The following ZNF155 variants were observed in gnomAD, a reference collection of about 807,000 sequenced individuals.
The protein encoded by ZNF155 is zinc finger protein 155, also known as KRAB A domain.
Under a neutral mutation model 11.9 loss-of-function variants are expected in ZNF155, and 15 were observed. That is an observed-to-expected ratio of 1.26 (90% CI 0.84 to 1.94). The LOEUF is 1.94. ZNF155 is among the 30% of genes most tolerant of loss of function. The pLI, the probability that ZNF155 is intolerant of heterozygous loss-of-function variation, is 0.00. For synonymous variants in ZNF155, 212 were observed against 219.9 expected, an observed-to-expected ratio of 0.96 and a Z score of 0.32; for missense variants, 602 against 639.1, an observed-to-expected ratio of 0.94 and a Z score of 0.63.
intron 2 of ZNF155, chr19:43,990,179 G>T: frequency 9.9e-7 from 1 of 1,008,836 alleles, no homozygotes; most frequent in South Asian, 1.6e-5. Context: ...CTTATTTTTT[G>T]ATGTTTTAAT....
chr19:43,993,414 A>G (rs1381923031), intron 4 of ZNF155, among the ~76,000 whole-genome samples: 1 of 152,114 alleles, frequency 6.6e-6, no homozygotes, highest in Non-Finnish European at 1.5e-5. Flanking sequence ...AAGATTTCTT[A>G]TTAATTTAAT....
intron 4 of ZNF155, among the ~76,000 whole-genome samples, chr19:43,993,943 AC>A (rs1056676705): frequency 6.6e-6 from 1 of 152,122 alleles, no homozygotes; most frequent in Non-Finnish European, 1.5e-5. Context: ...ACCCGGACAA[AC>A]ATTTTTCATG....
chr19:43,994,726 G>C (rs1975774229), intron 4 of ZNF155, among the ~76,000 whole-genome samples: 2 of 152,196 alleles, frequency 1.3e-5, no homozygotes, highest in Non-Finnish European at 2.9e-5. Context: ...GTATGACTTA[G>C]ACTCAAAGTA....
rs1424313693 is a variant in ZNF155 at position 43,996,331 on chromosome 19, T to A, written c.474T>A (p.Ser158Arg). Residue 158 changes from serine to arginine, a missense_variant, in exon 5 of 5, where the codon AGT (serine) becomes AGA (arginine). Transcript: ENST00000270014. ...GTGGGAAGTGTAAACAGTCCATCAG[T>A]GATGTTCCCATCTTTGATCTTCCTC... ...SQGGKCKQSI[S>R]DVPIFDLPQQ... is the part of the protein sequence containing the mutation. The A allele has an allele frequency of 6.2e-7, 1 of 1,614,102 alleles. No homozygotes were observed. Among genetic ancestry groups the A allele is most frequent in the African/African-American group, 1.3e-5 (1 of 74,940 alleles).
chr19:43,986,447 G>GTTTTTTTTT, intron 1 of ZNF155, among the ~76,000 whole-genome samples: 1 of 142,182 alleles, frequency 7.0e-6, no homozygotes. Flanking sequence ...ATTCCCATTT[G>GTTTTTTTTT]TGTTTTTTTT....
In ZNF155 at chr19:43,996,553, C is replaced by A; in HGVS notation, c.696C>A (p.Phe232Leu). 1 of 1,614,032 alleles carries A rather than the reference C, an allele frequency of 6.2e-7. No individual in the cohort carries two copies. Among genetic ancestry groups the A allele is most frequent in the Non-Finnish European group, 8.5e-7 (1 of 1,179,992 alleles). Residue 232 changes from phenylalanine (F) to leucine (L), a missense_variant, in exon 5 of 5, where the codon TTC (phenylalanine) becomes TTA (leucine). Phe to Leu is a conservative substitution (Grantham distance 22). Transcript: ENST00000270014. ...HQRVHTGEKP[F>L]KCEQCGKGFS... is the part of the protein sequence containing the mutation. The stretch of plus-strand genomic sequence containing the variant: ...GAGTCCACACTGGAGAGAAACCATT[C>A]AAATGTGAGCAATGTGGGAAAGGTT...
chr19:43,987,648 C>G (rs1975507892), intron 1 of ZNF155, among the ~76,000 whole-genome samples: 1 of 152,098 alleles, frequency 6.6e-6, no homozygotes, highest in Non-Finnish European at 1.5e-5. Flanking sequence ...TATCAAATTA[C>G]CTTTTTAAAA....
chr19:43,986,457 T>TTG (rs1555760604), intron 1 of ZNF155, among the ~76,000 whole-genome samples: 3 of 151,026 alleles, frequency 2.0e-5, no homozygotes, highest in African/African-American at 7.3e-5. Context: ...GTGTTTTTTT[T>TTG]TTTTTTTTTT....
chr19:43,988,859 G>A (rs1975556193), intron 2 of ZNF155: 1 of 292,548 alleles, frequency 3.4e-6, no homozygotes, highest in Non-Finnish European at 6.4e-6. Context: ...TGTTCGTCAT[G>A]TACATTTGTA....
At chr19:43,993,475 G>A (rs1362221345) in intron 4 of ZNF155, among the ~76,000 whole-genome samples, 1 of 152,102 alleles carries the variant, frequency 6.6e-6, no homozygotes, top group Admixed American at 6.5e-5. Flanking sequence ...GTGCAATGGT[G>A]CAATCTCGGC....
chr19:43,994,493 A>G (rs1975765572), intron 4 of ZNF155, among the ~76,000 whole-genome samples: 1 of 152,220 alleles, frequency 6.6e-6, no homozygotes, highest in Non-Finnish European at 1.5e-5. Flanking sequence ...ACCAAGTGCA[A>G]ATTCAGGAGG....
rs771997579 is a variant in ZNF155 at position 43,996,335 on chromosome 19, GT to G, written c.480del (p.Ile162SerfsTer196). ...GGKCKQSISD[V>X]PIFDLPQQLY... is the part of the protein sequence containing the mutation. ...GAAGTGTAAACAGTCCATCAGTGAT[GT>G]TCCCATCTTTGATCTTCCTCAGCAG... On this transcript the variant is annotated frameshift_variant, in exon 5 of 5. Transcript: ENST00000270014. LOFTEE classifies it low-confidence loss of function (END_TRUNC). 6.2e-6 allele frequency: 10 copies of G among 1,614,118 alleles called. No homozygotes were observed. The highest frequency in any genetic ancestry group is 1.7e-6 in the Non-Finnish European group (2 of 1,180,042).
chr19:43,990,520 G>A (rs1187368009), intron 2 of ZNF155, among the ~76,000 whole-genome samples: 1 of 152,190 alleles, frequency 6.6e-6, no homozygotes, highest in Non-Finnish European at 1.5e-5. Flanking sequence ...AGTAAATCCT[G>A]TAGGCAAACA....
In ZNF155 at chr19:43,997,291, C is replaced by T. The variant is rs1265433929; in HGVS notation, c.1434C>T (p.His478=). ...ASSILNHKRL[H]CQKKPFKCED... ...GTATTTTGAATCATAAGAGACTCCA[C>T]TGCCAGAAAAAACCATTCAAATGTG... Residue 478 remains histidine, a synonymous_variant, in exon 5 of 5, where the codon CAC becomes CAT. Coordinates refer to ENST00000270014, the MANE Select transcript of ZNF155 (RefSeq NM_198089.3). The T allele has an allele frequency of 6.2e-7, 1 of 1,614,074 alleles. No homozygotes were observed. Among genetic ancestry groups the T allele is most frequent in the Non-Finnish European group, 8.5e-7 (1 of 1,180,016 alleles).
intron 2 of ZNF155, among the ~76,000 whole-genome samples, chr19:43,989,189 T>G (rs571602401): frequency 1.1e-4 from 16 of 152,364 alleles, no homozygotes; most frequent in Admixed American, 2.6e-4. Flanking sequence ...AGGATGTAAC[T>G]GCTGCACCAC....
chr19:43,989,886 C>A, intron 2 of ZNF155: 1 of 450,632 alleles, frequency 2.2e-6, no homozygotes, highest in Non-Finnish European at 3.7e-6. Context: ...AGGAAAAACT[C>A]CAAACAGATA....
At chr19:43,990,331 G>T (rs1373541723) in intron 2 of ZNF155, among the ~76,000 whole-genome samples, 10 of 152,244 alleles carry the variant, frequency 6.6e-5, no homozygotes, top group African/African-American at 2.4e-4. Flanking sequence ...GCTAAAAGTA[G>T]GTCATCAGAT....
At chr19:43,996,051 AG>A (rs1975838243) in intron 4 of ZNF155, 41 bp from the exon 5 acceptor site, 2 of 1,525,570 alleles carry the variant, frequency 1.3e-6, no homozygotes. Context: ...CACTGAATAA[AG>A]GCTTCACCTG....
At chr19:43,993,441 G>A (rs997462461) in intron 4 of ZNF155, among the ~76,000 whole-genome samples, 15 of 152,086 alleles carry the variant, frequency 9.9e-5, no homozygotes, top group African/African-American at 3.1e-4. Context: ...TTGAGATGCA[G>A]TTTCGCTCGT....
Sources: gnomAD v4.1 joint callset for allele counts (sites outside exome capture counted in the v4.1 genomes callset) on GRCh38, gnomAD v4.1.1 for gene constraint, MANE v1.5 for transcripts, NCBI Gene and HGNC (gene_info 2026-07-23, HGNC 2026-07-21) for gene names.